Variants in SHANK2 observed in about 807,000 individuals in gnomAD.
SHANK2 encodes the protein SH3 and multiple ankyrin repeat domains protein 2.
A neutral mutation model predicts 133.7 loss-of-function variants in SHANK2; 43 were observed. The observed-to-expected ratio is 0.32, with a 90% CI of 0.25 to 0.41. SHANK2 has a LOEUF of 0.41. Among genes scored for constraint, SHANK2 ranks in the 10% least tolerant of loss-of-function variants. The pLI is 1.00. For synonymous variants in SHANK2, 1,017 were observed against 952.8 expected (o/e 1.07, Z -1.24); for missense variants, 1,994 against 2,235.8 (o/e 0.89, Z 2.18).
chr11:70,566,002 A>G (rs1554981834), intron 17 of SHANK2, among the ~76,000 whole-genome samples: 1 of 152,200 alleles, frequency 6.6e-6, no homozygotes, highest in African/African-American at 2.4e-5. Context: ...ATAGTTCCAC[A>G]TGGCTGGGGA....
intron 17 of SHANK2, among the ~76,000 whole-genome samples, chr11:70,649,509 C>T (rs1259800538): frequency 6.6e-6 from 1 of 152,214 alleles, no homozygotes; most frequent in Non-Finnish European, 1.5e-5. Flanking sequence ...ACAGGGCCTT[C>T]CTCCAGTTCA....
chr11:70,949,283 G>A (rs1416407532), intron 10 of SHANK2, among the ~76,000 whole-genome samples: 1 of 152,212 alleles, frequency 6.6e-6, no homozygotes. Context: ...CACAGGCAGC[G>A]GGGGTGAAAG....
At chr11:70,795,406 TC>T (rs1555048926) in intron 14 of SHANK2, among the ~76,000 whole-genome samples, 1 of 82,642 alleles carries the variant, frequency 1.2e-5, no homozygotes, top group Non-Finnish European at 2.7e-5. Flanking sequence ...TCTTTCTTTT[TC>T]TTTTTTTTTT....
intron 3 of SHANK2, among the ~76,000 whole-genome samples, chr11:71,119,578 C>CAAAAAAAAAAAA (rs55759811): frequency 1.6e-4 from 22 of 134,448 alleles, no homozygotes; most frequent in African/African-American, 6.5e-4. Context: ...GACTCCATCT[C>CAAAAAAAAAAAA]AAAAAAAAAA....
At chr11:70,783,476 T>C (rs560883086) in intron 14 of SHANK2, among the ~76,000 whole-genome samples, 6 of 152,244 alleles carry the variant, frequency 3.9e-5, no homozygotes, top group African/African-American at 1.4e-4. Context: ...ATGGCCCAGA[T>C]ACCAGGGACA....
intron 25 of SHANK2, among the ~76,000 whole-genome samples, chr11:70,480,008 C>T (rs1445057521): frequency 2.6e-5 from 4 of 152,222 alleles, no homozygotes; most frequent in Non-Finnish European, 4.4e-5. Flanking sequence ...AGTGCATTCA[C>T]CTGATCACAC....
intron 17 of SHANK2, among the ~76,000 whole-genome samples, chr11:70,561,274 C>T (rs1554980809): frequency 6.6e-6 from 1 of 152,106 alleles, no homozygotes; most frequent in Non-Finnish European, 1.5e-5. Context: ...CTGCCTCAGC[C>T]TCTTGAGTAA....
rs782595165 is a variant in SHANK2 at position 70,487,620 on chromosome 11, C to A, written c.2673G>T (p.Pro891=). 1 of 1,606,038 alleles carries A rather than the reference C, an allele frequency of 6.2e-7. No individual in the cohort carries two copies. The highest frequency in any genetic ancestry group is 1.3e-5 in the African/African-American group (1 of 74,444). ...GTGGTGGGGACGGGGGCACAGACTGCGGTGGAGGGGGGATGTCCTCAGAGG... is the reference window on the plus strand; with the variant it reads ...GTGGTGGGGACGGGGGCACAGACTGAGGTGGAGGGGGGATGTCCTCAGAGG... ...PDTSEDIPPP[P]QSVPPSPPPP... is the part of the protein sequence containing the mutation. The change falls in exon 25 of 26, where the codon CCG becomes CCT. Residue 891 remains proline, a synonymous_variant. Transcript: ENST00000601538. This position sits in a 1 kb window ranked among gnomAD's most constrained non-coding sequence, Gnocchi z 5.8.
chr11:71,061,574 A>G (rs1404480875), intron 9 of SHANK2, among the ~76,000 whole-genome samples: 1 of 152,130 alleles, frequency 6.6e-6, no homozygotes, highest in Non-Finnish European at 1.5e-5. Context: ...TGCACTGTCA[A>G]TGACACAGGT....
chr11:70,772,209 G>T (rs1947265077), intron 14 of SHANK2, among the ~76,000 whole-genome samples: 1 of 152,146 alleles, frequency 6.6e-6, no homozygotes, highest in Non-Finnish European at 1.5e-5. Flanking sequence ...GGAGGCTGAG[G>T]CAGGTGGATC....
chr11:70,764,585 C>T (rs1488064652), intron 14 of SHANK2, among the ~76,000 whole-genome samples: 1 of 151,720 alleles, frequency 6.6e-6, no homozygotes, highest in Non-Finnish European at 1.5e-5. Flanking sequence ...ATCCATCTAC[C>T]CATGCATCCA....
In SHANK2 at chr11:70,472,746, C is replaced by G; in HGVS notation, c.*123G>C. 1 of 972,108 alleles carries G rather than the reference C, an allele frequency of 1.0e-6. No homozygotes were observed. The allele number at this position is 972,108 out of a possible 1,614,324, so 60.2% of individuals were successfully genotyped here. ...ACACAACTCAGTATTTCTTTGGGTA[C>G]CAGGAGACAAACCCATGGAGTGGGG... On this transcript the variant is annotated 3_prime_UTR_variant, in exon 26 of 26. Transcript: ENST00000601538. The surrounding 1 kb of genome is among the most constrained non-coding windows in gnomAD (Gnocchi z 4.4).
At chr11:70,949,791 G>A (rs528291131) in intron 10 of SHANK2, among the ~76,000 whole-genome samples, 5 of 152,342 alleles carry the variant, frequency 3.3e-5, no homozygotes, top group African/African-American at 1.2e-4. Context: ...CTGTTCCTAC[G>A]GTAGGGCTGA....
intron 10 of SHANK2, among the ~76,000 whole-genome samples, chr11:70,940,505 G>GGT (rs1950632506): frequency 1.3e-5 from 2 of 151,744 alleles, no homozygotes; most frequent in Non-Finnish European, 2.9e-5. Context: ...CACCCACCTT[G>GGT]GCCTCCCAAA....
intron 1 of SHANK2, among the ~76,000 whole-genome samples, chr11:71,246,930 T>G (rs1487607238): frequency 6.6e-6 from 1 of 152,220 alleles, no homozygotes; most frequent in Non-Finnish European, 1.5e-5. Flanking sequence ...TTTGACCAAC[T>G]GCGCCCCAGC....
chr11:70,592,314 G>A (rs1373525556), intron 17 of SHANK2, among the ~76,000 whole-genome samples: 1 of 152,190 alleles, frequency 6.6e-6, no homozygotes, highest in African/African-American at 2.4e-5. Flanking sequence ...TGCCTGGGGA[G>A]GCTGGCACTG....
intron 17 of SHANK2, among the ~76,000 whole-genome samples, chr11:70,618,537 C>T (rs891299945): frequency 3.3e-5 from 5 of 152,182 alleles, no homozygotes; most frequent in African/African-American, 9.7e-5. Flanking sequence ...CCAGGCCTGG[C>T]CTCACCTGCA....
chr11:70,865,274 C>T (rs956497313), intron 11 of SHANK2, among the ~76,000 whole-genome samples: 11 of 152,098 alleles, frequency 7.2e-5, no homozygotes, highest in Non-Finnish European at 8.8e-5. Flanking sequence ...AGAGACTCAA[C>T]TTCTAGGGTC....
intron 14 of SHANK2, among the ~76,000 whole-genome samples, chr11:70,755,069 T>A (rs1435111225): frequency 1.3e-5 from 2 of 151,980 alleles, no homozygotes; most frequent in Non-Finnish European, 2.9e-5. Flanking sequence ...ACCCTGTTCA[T>A]AATCTTTTTT....
Sources: allele counts gnomAD v4.1 joint callset (sites outside exome capture counted in the v4.1 genomes callset), GRCh38; gene constraint gnomAD v4.1.1; non-coding constraint Gnocchi (gnomAD v3.1); transcripts MANE v1.5; gene names NCBI Gene and HGNC (gene_info 2026-07-23, HGNC 2026-07-21).